ZBTB7C: variants seen among roughly 807,000 people sequenced by gnomAD.
ZBTB7C encodes the protein zinc finger and BTB domain-containing protein 7C.
ZBTB7C carries 8 observed loss-of-function variants against 25.7 expected under a neutral mutation model. That is an observed-to-expected ratio of 0.31 (90% CI 0.18 to 0.56). ZBTB7C has a LOEUF of 0.56. ZBTB7C is among the 20% of genes least tolerant of loss of function. ZBTB7C has a pLI of 0.91. For synonymous variants in ZBTB7C, 394 were observed against 369.0 expected (o/e 1.07, Z -0.78); for missense variants, 824 against 855.2 (o/e 0.96, Z 0.46).
At chr18:48,209,036 T>C (rs1429427219) in intron 2 of ZBTB7C, among the ~76,000 whole-genome samples, 7 of 152,224 alleles carry the variant, frequency 4.6e-5, no homozygotes, top group Admixed American at 4.6e-4. Flanking sequence ...ACAGCAGCTG[T>C]TGCCCATAAG....
chr18:48,065,404 G>C (rs1299292680), intron 3 of ZBTB7C, among the ~76,000 whole-genome samples: 1 of 152,068 alleles, frequency 6.6e-6, no homozygotes, highest in Non-Finnish European at 1.5e-5. Flanking sequence ...GTTTAACTTT[G>C]TTTAACTCTG....
intron 1 of ZBTB7C, among the ~76,000 whole-genome samples, chr18:48,383,622 T>C (rs1405965758): frequency 6.6e-6 from 1 of 152,222 alleles, no homozygotes; most frequent in Admixed American, 6.5e-5. Flanking sequence ...TATTTTTCAC[T>C]ACATTTCTTT....
intron 2 of ZBTB7C, among the ~76,000 whole-genome samples, chr18:48,216,642 C>G (rs943017778): frequency 6.6e-6 from 1 of 152,134 alleles, no homozygotes; most frequent in African/African-American, 2.4e-5. Flanking sequence ...CTTCCTCCCC[C>G]TGACAACTTC....
intron 2 of ZBTB7C, among the ~76,000 whole-genome samples, chr18:48,304,233 A>G (rs973328737): frequency 1.3e-5 from 2 of 152,138 alleles, no homozygotes; most frequent in Admixed American, 6.6e-5. Flanking sequence ...CACCTGGTGT[A>G]CCCCCAATCA....
chr18:48,317,127 G>T (rs1390350763), intron 2 of ZBTB7C, among the ~76,000 whole-genome samples: 1 of 152,026 alleles, frequency 6.6e-6, no homozygotes. Context: ...ACAAAAATCA[G>T]CCAGGTGTGA....
intron 1 of ZBTB7C, among the ~76,000 whole-genome samples, chr18:48,382,798 T>C (rs2047662195): frequency 6.6e-6 from 1 of 152,208 alleles, no homozygotes; most frequent in South Asian, 2.1e-4. Context: ...CAAACTATAC[T>C]AATGGCCCAT....
chr18:48,223,707 C>G (rs1040229922), intron 2 of ZBTB7C, among the ~76,000 whole-genome samples: 1 of 152,164 alleles, frequency 6.6e-6, no homozygotes, highest in Non-Finnish European at 1.5e-5. Context: ...TGACTTTGAG[C>G]AAGTCACTTA....
intron 4 of ZBTB7C, among the ~76,000 whole-genome samples, chr18:48,032,592 G>A (rs1164998429): frequency 5.9e-5 from 9 of 151,496 alleles, no homozygotes; most frequent in Admixed American, 6.6e-5. Context: ...CCACCACTAC[G>A]CCTGGCTAAT....
intron 3 of ZBTB7C, among the ~76,000 whole-genome samples, chr18:48,115,659 C>T (rs928049859): frequency 3.9e-5 from 6 of 152,164 alleles, no homozygotes; most frequent in African/African-American, 1.4e-4. Flanking sequence ...GGGAATAATG[C>T]TGCGATGAAC....
At position 48,136,851 on chromosome 18, in the gene ZBTB7C, C is replaced by T. The variant is rs571395163; in HGVS notation, c.-17+49083G>A. 7.9e-5 allele frequency among the ~76,000 whole-genome samples: 12 copies of T among 152,246 alleles called. No individual in the cohort carries two copies. In the South Asian group the frequency reaches 1.2e-3, roughly 16 times the overall value. ...CAGAGCCGCCCCGCGGCCACCCGGC[C>T]ACAGGGTCCCCGCAGCGCGTAGCGA... On this transcript the variant is annotated intron_variant, in intron 3 of 4. Coordinates refer to ENST00000590800, the MANE Select transcript of ZBTB7C (RefSeq NM_001318841.2).
intron 2 of ZBTB7C, among the ~76,000 whole-genome samples, chr18:48,239,127 G>A (rs1055824661): frequency 1.3e-5 from 2 of 152,138 alleles, no homozygotes; most frequent in African/African-American, 4.8e-5. Flanking sequence ...CCATTGGCCT[G>A]AGAACCAACC....
chr18:48,350,730 C>T (rs1286226664), intron 1 of ZBTB7C: 1 of 152,216 alleles, frequency 6.6e-6, no homozygotes, highest in African/African-American at 2.4e-5. Context: ...GTGTTTCTAT[C>T]CCAAGAGGTT....
intron 2 of ZBTB7C, among the ~76,000 whole-genome samples, chr18:48,220,728 G>A (rs1363738660): frequency 3.3e-5 from 5 of 152,136 alleles, no homozygotes; most frequent in Non-Finnish European, 5.9e-5. Flanking sequence ...TACTTTGTAA[G>A]TGCTTTACAT....
intron 2 of ZBTB7C, among the ~76,000 whole-genome samples, chr18:48,337,750 AG>A (rs1299347796): frequency 6.6e-6 from 1 of 152,250 alleles, no homozygotes; most frequent in Non-Finnish European, 1.5e-5. Context: ...TGAGGTCTCC[AG>A]GTCTATTCCT....
intron 2 of ZBTB7C, among the ~76,000 whole-genome samples, chr18:48,314,975 G>A (rs1031418230): frequency 7.2e-5 from 11 of 152,138 alleles, no homozygotes; most frequent in Admixed American, 2.6e-4. Flanking sequence ...CAGCCCCTTC[G>A]GATGAAAGGA....
chr18:48,186,460 T>C (rs1418646164), intron 2 of ZBTB7C, among the ~76,000 whole-genome samples: 1 of 152,198 alleles, frequency 6.6e-6, no homozygotes, highest in African/African-American at 2.4e-5. Context: ...GGTAATTGCA[T>C]TCATGGACCC....
At chr18:48,268,270 T>C (rs769266153) in intron 2 of ZBTB7C, among the ~76,000 whole-genome samples, 1 of 152,152 alleles carries the variant, frequency 6.6e-6, no homozygotes, top group South Asian at 2.1e-4. Flanking sequence ...TAGAAGACTA[T>C]GAAAGAAAAT....
chr18:48,402,368 G>C (rs747011645), intron 1 of ZBTB7C, among the ~76,000 whole-genome samples: 7 of 151,990 alleles, frequency 4.6e-5, no homozygotes, highest in African/African-American at 1.2e-4. Context: ...TCCATTACAA[G>C]TGTGTTTCTA....
At chr18:48,141,313 A>G (rs2040341852) in intron 3 of ZBTB7C, among the ~76,000 whole-genome samples, 1 of 152,164 alleles carries the variant, frequency 6.6e-6, no homozygotes, top group Non-Finnish European at 1.5e-5. Flanking sequence ...TATCTATTTC[A>G]GACCCTTGAT....
Sources: gnomAD v4.1 joint callset for allele counts (sites outside exome capture counted in the v4.1 genomes callset) on GRCh38, gnomAD v4.1.1 for gene constraint, MANE v1.5 for transcripts, NCBI Gene and HGNC (gene_info 2026-07-23, HGNC 2026-07-21) for gene names.